The following EMSY variants were observed in gnomAD, a reference collection of about 807,000 sequenced individuals.
EMSY encodes the protein BRCA2-interacting transcriptional repressor EMSY.
In EMSY, 26 loss-of-function variants were observed where a neutral mutation model predicts 134.6. That is an observed-to-expected ratio of 0.19 (90% CI 0.14 to 0.27). The LOEUF is 0.27. Among genes scored for constraint, EMSY ranks in the 10% least tolerant of loss-of-function variants. The pLI is 1.00. For missense variants in EMSY, 1,305 were observed against 1,611.4 expected (o/e 0.81, Z 3.26); for synonymous variants, 579 against 577.8 (o/e 1.00, Z -0.03).
intron 5 of EMSY, chr11:76,459,503 T>C (rs1009373593): frequency 6.4e-6 from 1 of 155,426 alleles, no homozygotes; most frequent in African/African-American, 2.4e-5. Flanking sequence ...TTTCCTTGAT[T>C]GTTCCCTAGT....
chr11:76,546,594 G>T (rs1006988212), intron 20 of EMSY, among the ~76,000 whole-genome samples: 1 of 152,166 alleles, frequency 6.6e-6, no homozygotes, highest in African/African-American at 2.4e-5. Flanking sequence ...ACTTGCCAAT[G>T]TGTTCACTCA....
chr11:76,491,094 T>C (rs2135700361), intron 8 of EMSY, among the ~76,000 whole-genome samples: 2 of 152,198 alleles, frequency 1.3e-5, no homozygotes, highest in Middle Eastern at 6.8e-3. Flanking sequence ...CCTCCTCCCC[T>C]GTGCAGGTGC....
intron 8 of EMSY, among the ~76,000 whole-genome samples, chr11:76,482,414 A>G (rs1460007108): frequency 6.6e-6 from 1 of 152,226 alleles, no homozygotes; most frequent in Non-Finnish European, 1.5e-5. Context: ...ATGAATTGAC[A>G]GAAGTAGGCT....
chr11:76,458,230 G>A (rs1947954135), exon 5 of EMSY: 3 of 1,613,896 alleles, frequency 1.9e-6, no homozygotes, highest in African/African-American at 1.3e-5. Context: ...GAAGGTCGTC[G>A]ATTGGTACCA....
chr11:76,511,571 G>T (rs914779997), intron 9 of EMSY, among the ~76,000 whole-genome samples: 1 of 151,938 alleles, frequency 6.6e-6, no homozygotes, highest in African/African-American at 2.4e-5. Flanking sequence ...ATGATGACAG[G>T]CCCCTGTAAT....
intron 9 of EMSY, among the ~76,000 whole-genome samples, chr11:76,511,974 A>G (rs1950293951): frequency 6.6e-6 from 1 of 152,188 alleles, no homozygotes; most frequent in South Asian, 2.1e-4. Flanking sequence ...GTCTAATTAT[A>G]TACTTAGATG....
chr11:76,529,133 C>T (rs1260679988), intron 14 of EMSY, among the ~76,000 whole-genome samples: 2 of 152,144 alleles, frequency 1.3e-5, no homozygotes, highest in African/African-American at 4.8e-5. Flanking sequence ...AACTCATGAT[C>T]ATAAACTTTG....
At chr11:76,512,322 G>C (rs887855795) in intron 9 of EMSY, among the ~76,000 whole-genome samples, 1 of 151,920 alleles carries the variant, frequency 6.6e-6, no homozygotes, top group Non-Finnish European at 1.5e-5. Flanking sequence ...AACTTTGCCA[G>C]GAAATATCTT....
intron 1 of EMSY, among the ~76,000 whole-genome samples, chr11:76,446,541 A>G (rs1947418750): frequency 1.3e-5 from 2 of 152,230 alleles, no homozygotes; most frequent in East Asian, 3.9e-4. Flanking sequence ...ATTAAATGAA[A>G]TGCCAGCCAC....
chr11:76,504,596 C>T (rs764920226), intron 9 of EMSY, among the ~76,000 whole-genome samples: 1 of 152,110 alleles, frequency 6.6e-6, no homozygotes, highest in Non-Finnish European at 1.5e-5. Flanking sequence ...TAAAATGGTA[C>T]TGTTGCTTTG....
At position 76,501,763 on chromosome 11, in the gene EMSY, G is replaced by T. The variant is rs1415315282; in HGVS notation, c.1363+5294G>T. On this transcript the variant is annotated intron_variant, in intron 9 of 20. Coordinates refer to ENST00000334736, the Ensembl canonical transcript of EMSY. ...AGAGTTGGGAAGAGAGAAAAGAAAA[G>T]AAATATTCAAAGAAATAATGGCTGA... is the stretch of plus-strand genomic sequence containing the variant. 2.6e-5 allele frequency among the ~76,000 whole-genome samples: 4 copies of T among 152,024 alleles called. No homozygotes were observed. In the East Asian group the frequency reaches 7.7e-4, roughly 29 times the overall value.
intron 16 of EMSY, among the ~76,000 whole-genome samples, chr11:76,538,695 C>T (rs972930525): frequency 3.3e-5 from 5 of 152,128 alleles, no homozygotes; most frequent in African/African-American, 9.7e-5. Flanking sequence ...CAGTGGCTCA[C>T]GCCTGTAATC....
chr11:76,551,462 A>T (rs1177600758), exon 21 of EMSY: 1 of 152,760 alleles, frequency 6.5e-6, no homozygotes, highest in African/African-American at 2.4e-5. Flanking sequence ...AGTAGAATTC[A>T]TCAACGGTCT....
chr11:76,460,293 T>G, intron 6 of EMSY: 2 of 488,606 alleles, frequency 4.1e-6, no homozygotes, highest in Non-Finnish European at 3.6e-6. Flanking sequence ...AGTGACTTCA[T>G]TTTCATTGTC....
chr11:76,534,733 TTC>T (rs1285957377), intron 14 of EMSY, among the ~76,000 whole-genome samples: 3 of 152,150 alleles, frequency 2.0e-5, no homozygotes, highest in Non-Finnish European at 4.4e-5. Context: ...GCCTCTTACT[TTC>T]TGTTTGTCTT....
At chr11:76,537,740 GTT>G in intron 15 of EMSY, 53 bp from the exon 17 acceptor site, 1 of 1,480,834 alleles carries the variant, frequency 6.8e-7, no homozygotes, top group Non-Finnish European at 9.2e-7. Flanking sequence ...GACAACTCTG[GTT>G]TTGGTACTTG....
intron 6 of EMSY, among the ~76,000 whole-genome samples, chr11:76,461,368 G>T (rs541053385): frequency 6.6e-6 from 1 of 152,110 alleles, no homozygotes; most frequent in African/African-American, 2.4e-5. Context: ...AAAATTGAAG[G>T]TGTAGGGGTT....
At chr11:76,508,449 T>C (rs774127334) in intron 9 of EMSY, among the ~76,000 whole-genome samples, 4 of 152,136 alleles carry the variant, frequency 2.6e-5, no homozygotes, top group Non-Finnish European at 5.9e-5. Flanking sequence ...GTTTCATTTA[T>C]AGAGCACAGG....
At chr11:76,549,168 G>T (rs1316259605) in intron 20 of EMSY, among the ~76,000 whole-genome samples, 1 of 152,202 alleles carries the variant, frequency 6.6e-6, no homozygotes, top group East Asian at 1.9e-4. Context: ...CAGATGACAG[G>T]ACAGAGCCAA....
Sources: gnomAD v4.1 joint callset for allele counts (sites outside exome capture counted in the v4.1 genomes callset) on GRCh38, gnomAD v4.1.1 for gene constraint, MANE v1.5 for transcripts, NCBI Gene and HGNC (gene_info 2026-07-23, HGNC 2026-07-21) for gene names.